The following PAPPA variants were observed in gnomAD, a reference collection of about 807,000 sequenced individuals.
PAPPA encodes pappalysin-1.
In PAPPA, 60 loss-of-function variants were observed where a neutral mutation model predicts 164.0. The observed-to-expected ratio is 0.37, with a 90% CI of 0.30 to 0.45. The LOEUF is 0.45. Ranked by LOEUF, PAPPA falls within the 20% of genes least tolerant of loss-of-function variation. The pLI is 1.00. For missense variants in PAPPA, 1,782 were observed against 2,087.3 expected, an observed-to-expected ratio of 0.85 and a Z score of 2.85; for synonymous variants, 875 against 814.1, an observed-to-expected ratio of 1.07 and a Z score of -1.27.
intron 7 of PAPPA, among the ~76,000 whole-genome samples, chr9:116,253,166 A>C (rs1005218998): frequency 6.7e-5 from 10 of 148,680 alleles, no homozygotes; most frequent in African/African-American, 2.5e-4. Context: ...TAACCCAGCT[A>C]TCAAAAAAAA....
At chr9:116,333,630 C>T (rs1846021633) in intron 12 of PAPPA, among the ~76,000 whole-genome samples, 1 of 152,142 alleles carries the variant, frequency 6.6e-6, no homozygotes, top group Non-Finnish European at 1.5e-5. Context: ...TATTTAGTTC[C>T]TTTTAAAGGC....
At chr9:116,321,447 A>T (rs905213698) in intron 10 of PAPPA, among the ~76,000 whole-genome samples, 1 of 152,198 alleles carries the variant, frequency 6.6e-6, no homozygotes, top group Non-Finnish European at 1.5e-5. Context: ...TGCAAATAGG[A>T]TTCATCTTCT....
At chr9:116,211,572 C>T in intron 3 of PAPPA, 67 bp from the exon 4 acceptor site, 1 of 1,410,600 alleles carries the variant, frequency 7.1e-7, no homozygotes, top group South Asian at 1.2e-5. Context: ...CCTTGATGGA[C>T]TTGGGGGTTC....
At chr9:116,157,454 TG>T (rs1183627603) in intron 1 of PAPPA, among the ~76,000 whole-genome samples, 3 of 152,208 alleles carry the variant, frequency 2.0e-5, no homozygotes, top group Non-Finnish European at 4.4e-5. Context: ...AGTTAGAAAG[TG>T]CCTATGTGTA....
intron 2 of PAPPA, among the ~76,000 whole-genome samples, chr9:116,202,294 C>G (rs1052506141): frequency 1.3e-5 from 2 of 152,130 alleles, no homozygotes; most frequent in East Asian, 1.9e-4. Context: ...CCCTCTCATT[C>G]AGATTATTAC....
chr9:116,292,264 C>T (rs1403407652), intron 9 of PAPPA, among the ~76,000 whole-genome samples: 3 of 152,018 alleles, frequency 2.0e-5, no homozygotes, highest in Non-Finnish European at 2.9e-5. Context: ...CATGGCATGG[C>T]GTAGTTTACG....
At chr9:116,305,415 T>C (rs1002893216) in intron 10 of PAPPA, among the ~76,000 whole-genome samples, 6 of 148,584 alleles carry the variant, frequency 4.0e-5, no homozygotes, top group African/African-American at 1.5e-4. Context: ...AATTGTATCA[T>C]GTGCTTCTCA....
intron 1 of PAPPA, among the ~76,000 whole-genome samples, chr9:116,183,738 A>G (rs1336334809): frequency 6.6e-6 from 1 of 152,080 alleles, no homozygotes. Flanking sequence ...TTTTGGTTCC[A>G]TTGAAAACCT....
At chr9:116,379,939 G>T (rs1255206226) in intron 20 of PAPPA, among the ~76,000 whole-genome samples, 2 of 152,154 alleles carry the variant, frequency 1.3e-5, no homozygotes, top group Non-Finnish European at 2.9e-5. Flanking sequence ...TTCTCATATT[G>T]TTCCCTGTCT....
intron 2 of PAPPA, among the ~76,000 whole-genome samples, chr9:116,194,427 G>C (rs1015618201): frequency 1.3e-5 from 2 of 152,140 alleles, no homozygotes; most frequent in Non-Finnish European, 2.9e-5. Context: ...TCATGTAAAA[G>C]AAATTGCTTG....
chr9:116,233,693 G>A (rs1844625023), intron 6 of PAPPA, among the ~76,000 whole-genome samples: 1 of 152,130 alleles, frequency 6.6e-6, no homozygotes, highest in Non-Finnish European at 1.5e-5. Flanking sequence ...GAGGCAAGGA[G>A]GTTAGAGGCA....
intron 8 of PAPPA, 130 bp downstream of exon 8, chr9:116,266,115 C>A: frequency 1.4e-6 from 1 of 723,948 alleles, no homozygotes; most frequent in Non-Finnish European, 2.1e-6. Context: ...TGGTCCCCAG[C>A]AGTCTCTGGA....
intron 9 of PAPPA, among the ~76,000 whole-genome samples, chr9:116,290,329 T>A (rs555394165): frequency 1.3e-5 from 2 of 151,710 alleles, no homozygotes; most frequent in Admixed American, 1.3e-4. Flanking sequence ...ATCTACACGC[T>A]TCTCGATCTT....
intron 2 of PAPPA, among the ~76,000 whole-genome samples, chr9:116,198,596 G>A (rs1844133961): frequency 6.6e-6 from 1 of 152,176 alleles, no homozygotes; most frequent in Non-Finnish European, 1.5e-5. Context: ...GGTGCTGAGC[G>A]AACACAGAGA....
chr9:116,372,456 C>G (rs992977296), intron 19 of PAPPA, among the ~76,000 whole-genome samples: 2 of 152,090 alleles, frequency 1.3e-5, no homozygotes, highest in Non-Finnish European at 2.9e-5. Flanking sequence ...CAAAACATTT[C>G]TGTGGTTTGT....
At chr9:116,337,889 CA>C (rs1439484276) in intron 13 of PAPPA, among the ~76,000 whole-genome samples, 1 of 152,058 alleles carries the variant, frequency 6.6e-6, no homozygotes, top group African/African-American at 2.4e-5. Context: ...TTCAGAGACC[CA>C]AGAAAACAGG....
At chr9:116,191,283 G>C (rs1340376077) in intron 2 of PAPPA, among the ~76,000 whole-genome samples, 1 of 152,162 alleles carries the variant, frequency 6.6e-6, no homozygotes, top group Non-Finnish European at 1.5e-5. Context: ...CTGTGGGTGA[G>C]TGAGCTCCCC....
intron 21 of PAPPA, among the ~76,000 whole-genome samples, chr9:116,395,009 G>A (rs1227427845): frequency 6.6e-6 from 1 of 152,206 alleles, no homozygotes; most frequent in African/African-American, 2.4e-5. Flanking sequence ...GGGAGCGGGA[G>A]AGAGAAAGAG....
intron 10 of PAPPA, among the ~76,000 whole-genome samples, chr9:116,314,833 G>A (rs1845768381): frequency 6.6e-6 from 1 of 152,172 alleles, no homozygotes; most frequent in Non-Finnish European, 1.5e-5. Flanking sequence ...CAGCCCATGA[G>A]CAGCCTCCCT....
Sources: gnomAD v4.1 joint callset for allele counts (sites outside exome capture counted in the v4.1 genomes callset) on GRCh38, gnomAD v4.1.1 for gene constraint, MANE v1.5 for transcripts, NCBI Gene and HGNC (gene_info 2026-07-23, HGNC 2026-07-21) for gene names.